CHN1: variants seen among roughly 807,000 people sequenced by gnomAD.
The protein encoded by CHN1 is N-chimaerin.
In CHN1, 37 loss-of-function variants were observed where a neutral mutation model predicts 59.5. The observed-to-expected ratio is 0.62, with a 90% CI of 0.48 to 0.82. The LOEUF is 0.82. CHN1 is among the 40% of genes least tolerant of loss of function. The pLI, the probability that CHN1 is intolerant of heterozygous loss-of-function variation, is 0.00. For missense variants in CHN1, 469 were observed against 571.0 expected, an observed-to-expected ratio of 0.82 and a Z score of 1.82; for synonymous variants, 206 against 200.4, an observed-to-expected ratio of 1.03 and a Z score of -0.24.
intron 8 of CHN1, among the ~76,000 whole-genome samples, chr2:174,820,925 CT>C (rs773898357): frequency 7.2e-5 from 11 of 152,148 alleles, no homozygotes; most frequent in Non-Finnish European, 1.5e-4. Context: ...GACAAGCTCT[CT>C]TTTGCCTCGG....
rs188374826 is a variant in CHN1, at chr2:174,948,619, A to T, written c.58+3545T>A. Among the ~76,000 whole-genome samples, 973 of 152,338 alleles carry T rather than the reference A, an allele frequency of 6.4e-3. 14 individuals carry two copies. Among genetic ancestry groups the T allele is most frequent in the African/African-American group, 0.022 (924 of 41,566 alleles). ...AAGTTTCTTCTAGAATCAAATTGTG[A>T]AATGCTGTTCAGATTCCACCATGCC... On this transcript the variant is annotated intron_variant, in intron 2 of 12. Transcript: ENST00000409900.
At chr2:174,820,375 A>T (rs1472905104) in intron 8 of CHN1, among the ~76,000 whole-genome samples, 1 of 152,116 alleles carries the variant, frequency 6.6e-6, no homozygotes, top group Non-Finnish European at 1.5e-5. Context: ...CTGGTATGAG[A>T]TGGTATCTCA....
intron 8 of CHN1, among the ~76,000 whole-genome samples, chr2:174,822,288 A>T (rs925225062): frequency 1.3e-5 from 2 of 152,172 alleles, no homozygotes; most frequent in South Asian, 4.1e-4. Context: ...TTTACTCACA[A>T]TAAGAGGTAG....
chr2:174,867,189 C>T (rs1252466689), intron 6 of CHN1, among the ~76,000 whole-genome samples: 4 of 151,216 alleles, frequency 2.6e-5, no homozygotes, highest in South Asian at 4.2e-4. Context: ...GCCTGGGCAA[C>T]GTGGTGAAAC....
intron 1 of CHN1, among the ~76,000 whole-genome samples, chr2:174,977,458 T>C (rs1169249418): frequency 2.6e-5 from 4 of 152,232 alleles, no homozygotes; most frequent in Admixed American, 6.5e-5. Flanking sequence ...TCAACTGTGT[T>C]TAACAAAGTG....
chr2:174,834,892 T>C (rs557996597), intron 7 of CHN1, among the ~76,000 whole-genome samples: 1 of 152,156 alleles, frequency 6.6e-6, no homozygotes, highest in Non-Finnish European at 1.5e-5. Flanking sequence ...ATAAACACAT[T>C]ATGAAGCTGA....
intron 1 of CHN1, among the ~76,000 whole-genome samples, chr2:174,995,492 T>A (rs1691678384): frequency 6.6e-6 from 1 of 152,164 alleles, no homozygotes; most frequent in Non-Finnish European, 1.5e-5. Flanking sequence ...AAAGGGAATG[T>A]TTTGGGATGC....
chr2:174,893,064 C>A (rs888937393), intron 5 of CHN1, among the ~76,000 whole-genome samples: 10 of 152,144 alleles, frequency 6.6e-5, no homozygotes, highest in Non-Finnish European at 1.3e-4. Flanking sequence ...AGGAACAAGG[C>A]AAGGATGGCC....
chr2:174,831,174 T>A (rs1229468602), intron 7 of CHN1, among the ~76,000 whole-genome samples: 2 of 152,224 alleles, frequency 1.3e-5, no homozygotes, highest in African/African-American at 4.8e-5. Flanking sequence ...TACAAAACAA[T>A]ATTTTAAATA....
chr2:174,926,803 G>A (rs188369817), intron 3 of CHN1, among the ~76,000 whole-genome samples: 3 of 151,742 alleles, frequency 2.0e-5, no homozygotes, highest in African/African-American at 4.8e-5. Context: ...TGTTGCCCAG[G>A]GTGGAGTGCA....
At chr2:174,879,302 A>G (rs988244340) in intron 5 of CHN1, among the ~76,000 whole-genome samples, 10 of 152,242 alleles carry the variant, frequency 6.6e-5, no homozygotes, top group African/African-American at 2.2e-4. Context: ...GAAAGGAAAT[A>G]AAATATTTTT....
At chr2:174,836,434 T>C (rs1686083507) in intron 7 of CHN1, among the ~76,000 whole-genome samples, 1 of 152,308 alleles carries the variant, frequency 6.6e-6, no homozygotes, top group Admixed American at 6.5e-5. Flanking sequence ...AGGCTTCAGT[T>C]TCTACACATG....
intron 6 of CHN1, among the ~76,000 whole-genome samples, chr2:174,858,266 T>C (rs1686966208): frequency 6.6e-6 from 1 of 152,208 alleles, no homozygotes; most frequent in African/African-American, 2.4e-5. Context: ...AACCACAGTT[T>C]GATTAGAATA....
At chr2:174,879,477 A>G (rs1376264441) in intron 5 of CHN1, among the ~76,000 whole-genome samples, 1 of 152,222 alleles carries the variant, frequency 6.6e-6, no homozygotes, top group Non-Finnish European at 1.5e-5. Context: ...AACTATCCAT[A>G]TAATTACACT....
chr2:174,961,232 A>AGGGG (rs1690396515), intron 1 of CHN1, among the ~76,000 whole-genome samples: 1 of 78,954 alleles, frequency 1.3e-5, no homozygotes, highest in African/African-American at 5.0e-5. Context: ...GGAGGGAGGG[A>AGGGG]GGGAGGAAGG....
intron 11 of CHN1, among the ~76,000 whole-genome samples, chr2:174,806,724 T>G (rs1287035327): frequency 6.6e-6 from 1 of 152,230 alleles, no homozygotes; most frequent in African/African-American, 2.4e-5. Flanking sequence ...GCAGGATTCA[T>G]GGCACCTCGT....
chr2:174,988,169 T>G (rs1449336511), intron 1 of CHN1, among the ~76,000 whole-genome samples: 1 of 151,912 alleles, frequency 6.6e-6, no homozygotes, highest in East Asian at 1.9e-4. Context: ...CCATCCTGGC[T>G]AACACGGTGA....
rs1220662352 is a variant in CHN1, at chr2:174,812,296, G to T, written c.886+13C>A. On this transcript the variant is annotated intron_variant, in intron 9 of 12. Coordinates refer to ENST00000409900, the MANE Select transcript of CHN1 (RefSeq NM_001822.7). Reference sequence around the variant, plus strand: ...AACGGAGACCACTGCAACCCGCACTGCAAATGGCTCACCTCTAGACTCAAT... The same window carrying T: ...AACGGAGACCACTGCAACCCGCACTTCAAATGGCTCACCTCTAGACTCAAT... 4.4e-6 allele frequency: 7 copies of T among 1,601,714 alleles called. No individual in the cohort carries two copies. In the East Asian group the frequency reaches 1.6e-4, roughly 36 times the overall value.
At chr2:174,807,105 C>A (rs866601153) in intron 11 of CHN1, among the ~76,000 whole-genome samples, 2 of 152,012 alleles carry the variant, frequency 1.3e-5, no homozygotes, top group Non-Finnish European at 2.9e-5. Flanking sequence ...AACTCCATAA[C>A]GATGACAAAT....
Sources: gnomAD v4.1 joint callset for allele counts (sites outside exome capture counted in the v4.1 genomes callset) on GRCh38, gnomAD v4.1.1 for gene constraint, MANE v1.5 for transcripts, NCBI Gene and HGNC (gene_info 2026-07-23, HGNC 2026-07-21) for gene names.